Variants in PATZ1 observed in about 807,000 individuals in gnomAD.
PATZ1 encodes POZ/BTB and AT hook containing zinc finger 1.
A neutral mutation model predicts 46.2 loss-of-function variants in PATZ1; 9 were observed. The observed-to-expected ratio is 0.19, with a 90% CI of 0.12 to 0.34. PATZ1 has a LOEUF of 0.34. PATZ1 is among the 10% of genes least tolerant of loss of function. The pLI is 1.00. For missense variants in PATZ1, 632 were observed against 923.0 expected (o/e 0.68, Z 4.08); for synonymous variants, 426 against 378.6 (o/e 1.13, Z -1.45).
In PATZ1 at chr22:31,326,657, C is replaced by T. The variant is rs999434766; in HGVS notation, c.*234G>A. 9.3e-5 allele frequency: 47 copies of T among 506,088 alleles called. No individual in the cohort carries two copies. The highest frequency in any genetic ancestry group is 1.6e-4 in the Non-Finnish European group (46 of 285,240). 31.3% of individuals were successfully genotyped at this position (506,088 alleles called of 1,614,324 possible). A position where few individuals can be genotyped will look rare whatever the true frequency, so the allele number is the denominator to read the frequency against. On this transcript the variant is annotated 3_prime_UTR_variant, in exon 5 of 5. Transcript: ENST00000266269. ...TTGGAGGCCTATGTAGTGTTTTCTG[C>T]CCCTGTCCCATACCAAGTCTCATTG...
chr22:31,331,185 G>C (rs1433807929), intron 3 of PATZ1, among the ~76,000 whole-genome samples: 1 of 152,186 alleles, frequency 6.6e-6, no homozygotes, highest in African/African-American at 2.4e-5. Context: ...GAGGAGACAA[G>C]GCTAATGGGA....
chr22:31,335,632 A>C (rs985487323), intron 3 of PATZ1, 60 bp downstream of exon 3: 3 of 1,524,792 alleles, frequency 2.0e-6, no homozygotes, highest in Non-Finnish European at 2.7e-6. Context: ...AGACACCCCT[A>C]GGCCTCCCAT....
At chr22:31,341,265 G>T in intron 2 of PATZ1, 1 of 1,416,082 alleles carries the variant, frequency 7.1e-7, no homozygotes. Context: ...TCTGACATGG[G>T]AAAGACTCCG....
Position 31,327,107 on chromosome 22 carries a change from A to G in PATZ1, c.1848T>C (p.Ser616=). The change falls in exon 5 of 5, where the codon TCT becomes TCC. Residue 616 remains serine, a synonymous_variant. Coordinates refer to ENST00000266269, the MANE Select transcript of PATZ1 (RefSeq NM_014323.3). This position sits in a 1 kb window ranked among gnomAD's most constrained non-coding sequence, Gnocchi z 4.2. ...PCPECGSFFR[S]KSYLNKHIQK... ...GGATGTGTTTGTTCAAGTAGGACTT[A>G]GAGCGGAAGAAGCTCCCACATTCAG... 6.2e-7 allele frequency: 1 copy of G among 1,614,120 alleles called. No homozygotes were observed. The highest frequency in any genetic ancestry group is 8.5e-7 in the Non-Finnish European group (1 of 1,180,022).
Position 31,345,060 on chromosome 22 carries a change from C to T in PATZ1, c.543G>A (p.Ser181=), listed in dbSNP as rs755748848. The T allele has an allele frequency of 3.1e-6, 5 of 1,614,062 alleles. No individual in the cohort carries two copies. In the African/African-American group the frequency reaches 4.0e-5, roughly 13 times the overall value. Residue 181 remains serine, a synonymous_variant, in exon 1 of 5, where the codon TCG becomes TCA. Coordinates refer to ENST00000266269, the MANE Select transcript of PATZ1 (RefSeq NM_014323.3). The surrounding 1 kb of genome is among the most constrained non-coding windows in gnomAD (Gnocchi z 7.4). ...TCATGTCCAAAGGGAAGCCCAAGTC[C>T]GAGGTCCCAGGGGGGCGAAAGAGCA... The part of the protein sequence containing the change: ...DIMLFRPPGT[S]DLGFPLDMTN...
chr22:31,327,198 A>G lies in PATZ1; in HGVS notation c.1757T>C (p.Phe586Ser). 1 of 1,614,194 alleles carries G rather than the reference A, an allele frequency of 6.2e-7. No individual in the cohort carries two copies. The highest frequency in any genetic ancestry group is 1.1e-5 in the South Asian group (1 of 91,086). The change falls in exon 5 of 5, where the codon TTC (phenylalanine) becomes TCC (serine). Residue 586 changes from phenylalanine (F) to serine (S), a missense_variant. This residue lies in a region of PATZ1 where 176 missense variants were observed against 249.4 expected (regional missense o/e 0.71). Transcript: ENST00000266269. This position sits in a 1 kb window ranked among gnomAD's most constrained non-coding sequence, Gnocchi z 4.2. Reference sequence around the variant, plus strand: ...TTTGGGGACTGCCATGTCGCAGGAGAAAGAGCCATTGGCACTCTGCTTCTC... The same window carrying G: ...TTTGGGGACTGCCATGTCGCAGGAGGAAGAGCCATTGGCACTCTGCTTCTC... ...TPEKQSANGS[F>S]SCDMAVPKNK...
Position 31,328,940 on chromosome 22 carries a change from G to C in PATZ1, c.1508-16C>G, listed in dbSNP as rs771408038. The C allele has an allele frequency of 1.2e-6, 2 of 1,607,080 alleles. No homozygotes were observed. Among genetic ancestry groups the C allele is most frequent in the East Asian group, 2.2e-5 (1 of 44,630 alleles). The stretch of plus-strand genomic sequence containing the variant: ...GAGGAGAAACCTAAACAAGACAAAA[G>C]GAGATGAGATCCCGCGGCCAGCAAG... On this transcript the variant is annotated splice_polypyrimidine_tract_variant and intron_variant, in intron 3 of 4. Coordinates refer to ENST00000266269, the MANE Select transcript of PATZ1 (RefSeq NM_014323.3). The surrounding 1 kb of genome is among the most constrained non-coding windows in gnomAD (Gnocchi z 4.8).
chr22:31,338,980 T>C (rs1035536532), intron 2 of PATZ1, among the ~76,000 whole-genome samples: 1 of 152,144 alleles, frequency 6.6e-6, no homozygotes, highest in African/African-American at 2.4e-5. Flanking sequence ...TCTTCCACAG[T>C]CTCTGGGAGA....
rs1443721561 is a variant in PATZ1 at position 31,326,670 on chromosome 22, C to G, written c.*221G>C. ...TAGTGTTTTCTGCCCCTGTCCCATA[C>G]CAAGTCTCATTGATATTTCTGCAGA... On this transcript the variant is annotated 3_prime_UTR_variant, in exon 5 of 5. Coordinates refer to ENST00000266269, the MANE Select transcript of PATZ1 (RefSeq NM_014323.3). The G allele has an allele frequency of 1.8e-6, 1 of 541,458 alleles. No individual in the cohort carries two copies. The highest frequency in any genetic ancestry group is 3.3e-6 in the Non-Finnish European group (1 of 305,952). 33.5% of individuals were successfully genotyped at this position (541,458 alleles called of 1,614,324 possible). A position where few individuals can be genotyped will look rare whatever the true frequency, so the allele number is the denominator to read the frequency against.
intron 3 of PATZ1, among the ~76,000 whole-genome samples, chr22:31,330,728 C>G (rs567563038): frequency 2.0e-5 from 3 of 152,306 alleles, no homozygotes; most frequent in Admixed American, 2.0e-4. Flanking sequence ...TGATTTTTCA[C>G]AAAAAAGTTT....
At position 31,343,377 on chromosome 22, in the gene PATZ1, C is replaced by A. The variant is rs908934769; in HGVS notation, c.1272-417G>T. The A allele has an allele frequency of 1.1e-5, 11 of 988,172 alleles. 1 individual carries two copies. In the East Asian group the frequency reaches 5.6e-4, roughly 50 times the overall value. The allele number at this position is 988,172 out of a possible 1,614,324, so 61.2% of individuals were successfully genotyped here. The stretch of plus-strand genomic sequence containing the variant: ...CAATCCCCTCCCCCAGCCTCTCCCG[C>A]CACGGGCAGCCAATGAATGCCACCC... On this transcript the variant is annotated intron_variant, in intron 1 of 4. Coordinates refer to ENST00000266269, the MANE Select transcript of PATZ1 (RefSeq NM_014323.3).
Position 31,345,890 on chromosome 22 carries a change from G to C in PATZ1, c.-288C>G, listed in dbSNP as rs920652425. ...CTCCCCTTCCCGGTCTACCTTCCGG[G>C]GGGGTGCGCGAGCGAAGAGGTGCGC... On this transcript the variant is annotated 5_prime_UTR_variant, in exon 1 of 5. Transcript: ENST00000266269. The surrounding 1 kb of genome is among the most constrained non-coding windows in gnomAD (Gnocchi z 7.4). 3 of 364,242 alleles carry C rather than the reference G, an allele frequency of 8.2e-6. No individual in the cohort carries two copies. The highest frequency in any genetic ancestry group is 2.1e-5 in the African/African-American group (1 of 47,904). The allele number at this position is 364,242 out of a possible 1,614,324, so 22.6% of individuals were successfully genotyped here. A position where few individuals can be genotyped will look rare whatever the true frequency, so the allele number is the denominator to read the frequency against.
In PATZ1 at chr22:31,345,610, G is replaced by A. The variant is rs1337711908; in HGVS notation, c.-8C>T. On this transcript the variant is annotated 5_prime_UTR_variant, in exon 1 of 5. Coordinates refer to ENST00000266269, the MANE Select transcript of PATZ1 (RefSeq NM_014323.3). This position sits in a 1 kb window ranked among gnomAD's most constrained non-coding sequence, Gnocchi z 7.4. The stretch of plus-strand genomic sequence containing the variant: ...GTCGTTCACCCGCTCCATGGCCGCC[G>A]CCCCCTCCCACTAGCCCGGCCGCTG... The A allele has an allele frequency of 6.3e-7, 1 of 1,581,292 alleles. No individual in the cohort carries two copies. Among genetic ancestry groups the A allele is most frequent in the Non-Finnish European group, 8.6e-7 (1 of 1,159,402 alleles).
intron 2 of PATZ1, among the ~76,000 whole-genome samples, chr22:31,340,226 G>A (rs1357212043): frequency 6.6e-6 from 1 of 152,222 alleles, no homozygotes; most frequent in Admixed American, 6.5e-5. Context: ...CCACTGTCAA[G>A]CCTGAGGCTT....
intron 2 of PATZ1, chr22:31,341,428 A>G: frequency 1.3e-6 from 2 of 1,570,682 alleles, no homozygotes; most frequent in Non-Finnish European, 1.7e-6. Flanking sequence ...CACTGGGTAA[A>G]GGCCCTGCTG....
At chr22:31,340,983 T>C in intron 2 of PATZ1, 1 of 1,072,712 alleles carries the variant, frequency 9.3e-7, no homozygotes, top group Non-Finnish European at 1.1e-6. Flanking sequence ...CAGTCTTCTC[T>C]GGAGGCCGAC....
intron 3 of PATZ1, among the ~76,000 whole-genome samples, chr22:31,331,873 G>A (rs2145814252): frequency 6.6e-6 from 1 of 152,284 alleles, no homozygotes; most frequent in African/African-American, 2.4e-5. Flanking sequence ...CACTTTGGGA[G>A]GCCGAGGCAG....
chr22:31,337,705 GATC>G (rs2049528686), intron 2 of PATZ1: 3 of 152,212 alleles, frequency 2.0e-5, no homozygotes. Context: ...TTGTGTCACA[GATC>G]AAATGGTAAC....
At chr22:31,329,605 G>A (rs775096005) in intron 3 of PATZ1, among the ~76,000 whole-genome samples, 3 of 152,340 alleles carry the variant, frequency 2.0e-5, no homozygotes, top group East Asian at 3.9e-4. Flanking sequence ...GTTTTGGTTC[G>A]ATTTTGGAGC....
Sources: allele counts gnomAD v4.1 joint callset (sites outside exome capture counted in the v4.1 genomes callset), GRCh38; gene constraint gnomAD v4.1.1; regional missense constraint gnomAD v4.1.1; non-coding constraint Gnocchi (gnomAD v3.1); transcripts MANE v1.5; gene names NCBI Gene and HGNC (gene_info 2026-07-23, HGNC 2026-07-21).